The following SP140 variants were observed in gnomAD, a reference collection of about 807,000 sequenced individuals.
SP140 encodes the protein SP140 nuclear body protein.
SP140 carries 81 observed loss-of-function variants against 125.0 expected under a neutral mutation model. The observed-to-expected ratio is 0.65, with a 90% CI of 0.54 to 0.78. The LOEUF is 0.78. SP140 is among the 30% of genes least tolerant of loss of function. The probability of loss-of-function intolerance (pLI) is 0.00; values close to 1 mark genes in which losing one functional copy is unlikely to be tolerated. For synonymous variants in SP140, 312 were observed against 354.0 expected (o/e 0.88, Z 1.33); for missense variants, 858 against 1,037.0 (o/e 0.83, Z 2.37).
intron 15 of SP140, among the ~76,000 whole-genome samples, chr2:230,281,399 T>C (rs1403794877): frequency 2.0e-5 from 3 of 152,228 alleles, no homozygotes; most frequent in African/African-American, 7.2e-5. Flanking sequence ...GTTCAATGTA[T>C]GTTTAGAGTT....
chr2:230,255,418 T>C, intron 11 of SP140, 34 bp from the exon 12 acceptor site: 1 of 1,609,578 alleles, frequency 6.2e-7, no homozygotes, highest in Non-Finnish European at 8.5e-7. Context: ...GGTTGTATAC[T>C]GAGACCTCTG....
intron 3 of SP140, among the ~76,000 whole-genome samples, chr2:230,217,985 C>T (rs1446832798): frequency 1.3e-5 from 2 of 152,248 alleles, no homozygotes; most frequent in African/African-American, 4.8e-5. Context: ...GACTTGTTCA[C>T]TGCAACCATT....
intron 3 of SP140, among the ~76,000 whole-genome samples, chr2:230,240,043 A>G (rs879209675): frequency 1.2e-4 from 18 of 152,298 alleles, no homozygotes; most frequent in African/African-American, 3.9e-4. Context: ...ACGACTGCCC[A>G]CTGCCTCAGA....
intron 7 of SP140, among the ~76,000 whole-genome samples, chr2:230,247,300 G>A (rs2049604054): frequency 6.6e-6 from 1 of 152,068 alleles, no homozygotes; most frequent in African/African-American, 2.4e-5. Flanking sequence ...TCCTGACACA[G>A]ATCTGACTCC....
chr2:230,216,152 A>T (rs1422392307), intron 3 of SP140, among the ~76,000 whole-genome samples: 1 of 152,224 alleles, frequency 6.6e-6, no homozygotes, highest in Non-Finnish European at 1.5e-5. Flanking sequence ...AATTGGGATG[A>T]TGCCTGTAGT....
chr2:230,207,978 A>T (rs770247714), intron 1 of SP140: 6 of 1,345,566 alleles, frequency 4.5e-6, no homozygotes. Flanking sequence ...TTCCTCTTGT[A>T]CTCTCATCTT....
chr2:230,298,948 G>A (rs926726952), intron 22 of SP140, among the ~76,000 whole-genome samples: 14 of 152,164 alleles, frequency 9.2e-5, no homozygotes, highest in Admixed American at 9.2e-4. Flanking sequence ...TCTGGTGTTG[G>A]GTTCAGGACA....
At chr2:230,250,740 G>C (rs1055016503) in intron 9 of SP140, among the ~76,000 whole-genome samples, 1 of 152,090 alleles carries the variant, frequency 6.6e-6, no homozygotes, top group Non-Finnish European at 1.5e-5. Flanking sequence ...AAGGGGGAGG[G>C]GGAGAAGGAG....
In SP140 at chr2:230,216,670, G is replaced by A. The variant is rs573009047; in HGVS notation, c.-91+2596G>A. Reference sequence around the variant, plus strand: ...ACCTTCTGTGATAATGAACATGCCTGGGCTGGGCCTTCCAAACTCTGGAAG... The same window carrying A: ...ACCTTCTGTGATAATGAACATGCCTAGGCTGGGCCTTCCAAACTCTGGAAG... On this transcript the variant is annotated intron_variant, in intron 3 of 4. Coordinates refer to the SP140 transcript ENST00000456542. The A allele has an allele frequency of 6.1e-6, 8 of 1,302,490 alleles. No individual in the cohort carries two copies. The East Asian group carries it at 9.2e-5, about 15-fold the overall frequency. 80.7% of individuals were successfully genotyped at this position (1,302,490 alleles called of 1,614,324 possible).
chr2:230,312,730 A>G lies in SP140; in HGVS notation c.*46A>G. On this transcript the variant is annotated 3_prime_UTR_variant, in exon 27 of 27. Transcript: ENST00000392045. Reference sequence around the variant, plus strand: ...AGCATTCAGCAAATGGCACCCTAAAATATGCCGCTGGTTTGCCACTGACTT... The same window carrying G: ...AGCATTCAGCAAATGGCACCCTAAAGTATGCCGCTGGTTTGCCACTGACTT... 1 of 1,408,696 alleles carries G rather than the reference A, an allele frequency of 7.1e-7. No homozygotes were observed. Among genetic ancestry groups the G allele is most frequent in the Non-Finnish European group, 1.0e-6 (1 of 996,724 alleles). 87.3% of individuals were successfully genotyped at this position (1,408,696 alleles called of 1,614,324 possible). A position where few individuals can be genotyped will look rare whatever the true frequency, so the allele number is the denominator to read the frequency against.
the SP140 span, among the ~76,000 whole-genome samples, chr2:230,186,779 T>A: frequency 3.3e-5 from 5 of 152,188 alleles, no homozygotes; most frequent in African/African-American, 1.2e-4. Flanking sequence ...TTCCATCACC[T>A]CACTTAGAAT....
At chr2:230,202,681 C>T, upstream of SP140, 1 of 1,614,120 alleles carries the variant, frequency 6.2e-7, no homozygotes, top group Non-Finnish European at 8.5e-7. Flanking sequence ...GGAACCTGAT[C>T]CACCCTTTTG....
At position 230,216,905 on chromosome 2, in the gene SP140, A is replaced by G. The variant is rs200067258; in HGVS notation, c.-91+2831A>G. ...GAAGTGCTGAAAAAGAGCCTCTTCC[A>G]TGGCTCTTGTCATGGTGAACATCCT... On this transcript the variant is annotated intron_variant, in intron 3 of 4. Coordinates refer to the SP140 transcript ENST00000456542. 43 of 1,613,712 alleles carry G rather than the reference A, an allele frequency of 2.7e-5. No homozygotes were observed. The highest frequency in any genetic ancestry group is 3.4e-5 in the Non-Finnish European group (40 of 1,179,920).
rs1415330630 is a variant in SP140, at chr2:230,253,305, T to C, written c.1058-11T>C. The stretch of plus-strand genomic sequence containing the variant: ...AGGTCTGTGTCCAAGTCACCCTCTG[T>C]GGTCTGTCAGTTTCTTGTTTATCTG... On this transcript the variant is annotated splice_polypyrimidine_tract_variant and intron_variant, in intron 10 of 26. Coordinates refer to ENST00000392045, the MANE Select transcript of SP140 (RefSeq NM_007237.5). 3 of 1,587,064 alleles carry C rather than the reference T, an allele frequency of 1.9e-6. No homozygotes were observed. Among genetic ancestry groups the C allele is most frequent in the South Asian group, 1.1e-5 (1 of 90,490 alleles).
At chr2:230,239,636 A>G (rs2048439379) in intron 3 of SP140, among the ~76,000 whole-genome samples, 1 of 152,150 alleles carries the variant, frequency 6.6e-6, no homozygotes, top group Non-Finnish European at 1.5e-5. Context: ...TTTAGTAGAG[A>G]CAGGGTTTCG....
At chr2:230,277,867 T>C (rs1479790770) in intron 15 of SP140, among the ~76,000 whole-genome samples, 1 of 152,150 alleles carries the variant, frequency 6.6e-6, no homozygotes, top group Admixed American at 6.6e-5. Flanking sequence ...ATCACATTTC[T>C]TTATCCATTC....
downstream of SP140, among the ~76,000 whole-genome samples, chr2:230,315,834 A>G (rs1395863717): frequency 6.6e-6 from 1 of 152,334 alleles, no homozygotes; most frequent in African/African-American, 2.4e-5. Context: ...CTGGTGGTTC[A>G]TGCTGCTAAA....
chr2:230,230,941 T>C lies in SP140; in HGVS notation c.59+5038T>C, dbSNP rs1167014207. Reference sequence around the variant, plus strand: ...TCTTGGATATTGTGTTCTGTTTTGTTTTTTCCTTTTTTTTTCCTCTTTGCA... The same window carrying C: ...TCTTGGATATTGTGTTCTGTTTTGTCTTTTCCTTTTTTTTTCCTCTTTGCA... On this transcript the variant is annotated intron_variant, in intron 1 of 26. Transcript: ENST00000392045. Among the ~76,000 whole-genome samples the C allele has an allele frequency of 3.9e-5, 6 of 152,220 alleles. No homozygotes were observed. The East Asian group carries it at 1.2e-3, about 29-fold the overall frequency.
intron 10 of SP140, 72 bp from the exon 11 acceptor site, chr2:230,253,244 T>C (rs1284464118): frequency 3.2e-5 from 35 of 1,086,890 alleles, no homozygotes; most frequent in Middle Eastern, 2.6e-4. Context: ...GGGTGGCTCT[T>C]AGCATTTTCC....
Sources: allele counts gnomAD v4.1 joint callset (sites outside exome capture counted in the v4.1 genomes callset), GRCh38; gene constraint gnomAD v4.1.1; transcripts MANE v1.5; gene names NCBI Gene and HGNC (gene_info 2026-07-23, HGNC 2026-07-21).